SYT1: variants seen among roughly 807,000 people sequenced by gnomAD.
SYT1 encodes the protein synaptotagmin 1.
In SYT1, 8 loss-of-function variants were observed where a neutral mutation model predicts 44.8. The observed-to-expected ratio is 0.18, with a 90% CI of 0.10 to 0.32. The LOEUF is 0.32. SYT1 is among the 10% of genes least tolerant of loss of function. SYT1 has a pLI of 1.00. For synonymous variants in SYT1, 154 were observed against 188.8 expected (o/e 0.82, Z 1.51); for missense variants, 286 against 509.3 (o/e 0.56, Z 4.22).
At chr12:78,952,896 GCTGA>G (rs1879037959) in intron 1 of SYT1, among the ~76,000 whole-genome samples, 1 of 152,124 alleles carries the variant, frequency 6.6e-6, no homozygotes, top group Middle Eastern at 3.4e-3. Flanking sequence ...TTTTTCTTAA[GCTGA>G]CTATTAAAAA....
At chr12:78,934,798 T>C (rs562262434) in intron 1 of SYT1, among the ~76,000 whole-genome samples, 3 of 152,334 alleles carry the variant, frequency 2.0e-5, no homozygotes. Flanking sequence ...TGGCATATAA[T>C]TTTTGTCTTT....
intron 9 of SYT1, among the ~76,000 whole-genome samples, chr12:79,421,155 C>T (rs1032205410): frequency 6.6e-6 from 1 of 151,946 alleles, no homozygotes; most frequent in African/African-American, 2.4e-5. Context: ...GATCGTATTG[C>T]TTTAAAATAA....
intron 2 of SYT1, among the ~76,000 whole-genome samples, chr12:79,041,099 C>T (rs900244773): frequency 2.6e-5 from 4 of 152,032 alleles, no homozygotes; most frequent in Admixed American, 2.6e-4. Context: ...ATTGACTTGG[C>T]AATGCGGGCT....
intron 3 of SYT1, among the ~76,000 whole-genome samples, chr12:79,143,183 C>A (rs1458395324): frequency 6.6e-6 from 1 of 152,178 alleles, no homozygotes; most frequent in Non-Finnish European, 1.5e-5. Flanking sequence ...TTGCTAGGAG[C>A]AATTGTTACC....
At chr12:79,331,827 C>CAA (rs145512199) in intron 8 of SYT1, among the ~76,000 whole-genome samples, 5 of 149,244 alleles carry the variant, frequency 3.4e-5, no homozygotes, top group East Asian at 2.0e-4. Flanking sequence ...GTAAAAGCCA[C>CAA]AAAAAAAAAT....
At chr12:79,447,895 T>A (rs1400908725) in intron 10 of SYT1, among the ~76,000 whole-genome samples, 1 of 152,180 alleles carries the variant, frequency 6.6e-6, no homozygotes, top group Non-Finnish European at 1.5e-5. Context: ...GGGCCCTAAC[T>A]CAGCTGGTTC....
chr12:79,315,459 C>T (rs2138956134), intron 8 of SYT1, among the ~76,000 whole-genome samples: 1 of 152,226 alleles, frequency 6.6e-6, no homozygotes, highest in Non-Finnish European at 1.5e-5. Context: ...TCAAACAATC[C>T]TCTCACCTAA....
intron 3 of SYT1, among the ~76,000 whole-genome samples, chr12:79,086,937 T>C (rs1398587245): frequency 6.6e-6 from 1 of 152,166 alleles, no homozygotes; most frequent in East Asian, 1.9e-4. Context: ...TTCTTTCCAA[T>C]CACCATTGTA....
intron 1 of SYT1, among the ~76,000 whole-genome samples, chr12:78,973,950 T>A (rs1427894226): frequency 0.019 from 306 of 16,452 alleles, 4 homozygotes; most frequent in African/African-American, 0.027. Context: ...TATATATATA[T>A]ATATATATAT....
intron 4 of SYT1, among the ~76,000 whole-genome samples, chr12:79,267,570 G>A (rs1285875471): frequency 1.3e-5 from 2 of 152,198 alleles, no homozygotes. Flanking sequence ...TTAGAAATCA[G>A]AACTCAAGAA....
chr12:79,433,631 G>C (rs900278736), intron 9 of SYT1, among the ~76,000 whole-genome samples: 1 of 151,776 alleles, frequency 6.6e-6, no homozygotes, highest in African/African-American at 2.4e-5. Flanking sequence ...TTTTGTCTCT[G>C]TGTTTGTTAG....
chr12:78,932,687 T>G (rs1319037257), intron 1 of SYT1, among the ~76,000 whole-genome samples: 1 of 152,182 alleles, frequency 6.6e-6, no homozygotes, highest in East Asian at 1.9e-4. Flanking sequence ...TAATTTTATT[T>G]TCAATTGCCT....
At chr12:78,947,605 A>T (rs1592594215) in intron 1 of SYT1, among the ~76,000 whole-genome samples, 1 of 152,052 alleles carries the variant, frequency 6.6e-6, no homozygotes, top group Non-Finnish European at 1.5e-5. Flanking sequence ...GGTGTTCCCC[A>T]GGCTGTTCAT....
intron 4 of SYT1, among the ~76,000 whole-genome samples, chr12:79,249,984 A>G (rs1877101447): frequency 6.6e-6 from 1 of 152,206 alleles, no homozygotes; most frequent in Non-Finnish European, 1.5e-5. Flanking sequence ...AACCTGTAAT[A>G]TGATCATTAT....
chr12:78,908,101 T>G (rs1377769911), intron 1 of SYT1, among the ~76,000 whole-genome samples: 1 of 151,974 alleles, frequency 6.6e-6, no homozygotes, highest in Non-Finnish European at 1.5e-5. Context: ...TTTATTTTTT[T>G]GTGTGTTTTT....
At chr12:79,056,114 A>G (rs998191155) in intron 3 of SYT1, among the ~76,000 whole-genome samples, 1 of 152,110 alleles carries the variant, frequency 6.6e-6, no homozygotes, top group Admixed American at 6.6e-5. Context: ...CTAGGTTAGT[A>G]TAAGTACATG....
intron 3 of SYT1, among the ~76,000 whole-genome samples, chr12:79,125,440 C>T (rs1868376095): frequency 7.7e-6 from 1 of 130,596 alleles, no homozygotes; most frequent in South Asian, 2.5e-4. Context: ...GTGCGACCCT[C>T]ACTGTCTCTA....
intron 1 of SYT1, among the ~76,000 whole-genome samples, chr12:78,972,210 G>A (rs1328294144): frequency 1.3e-5 from 2 of 151,954 alleles, no homozygotes; most frequent in East Asian, 3.9e-4. Flanking sequence ...TATCATGTAA[G>A]ATATCTTGCC....
chr12:78,943,175 A>G (rs1023396798), intron 1 of SYT1, among the ~76,000 whole-genome samples: 1 of 152,004 alleles, frequency 6.6e-6, no homozygotes, highest in Admixed American at 6.6e-5. Flanking sequence ...CTTTTATCCC[A>G]TCTGTGGTTG....
Sources: allele counts gnomAD v4.1 joint callset (sites outside exome capture counted in the v4.1 genomes callset), GRCh38; gene constraint gnomAD v4.1.1; transcripts MANE v1.5; gene names NCBI Gene and HGNC (gene_info 2026-07-23, HGNC 2026-07-21).